Variants in PEAK1 observed in about 807,000 individuals in gnomAD.
The protein encoded by PEAK1 is pseudopodium enriched atypical kinase 1, also known as inactive tyrosine-protein kinase PEAK1.
A neutral mutation model predicts 124.7 loss-of-function variants in PEAK1; 54 were observed. That is an observed-to-expected ratio of 0.43 (90% CI 0.35 to 0.54). The LOEUF is 0.54. PEAK1 is among the 20% of genes least tolerant of loss of function. PEAK1 has a pLI of 0.01. For missense variants in PEAK1, 2,046 were observed against 2,134.5 expected (o/e 0.96, Z 0.82); for synonymous variants, 719 against 760.0 (o/e 0.95, Z 0.89).
chr15:77,329,718 T>C (rs376008068), intron 2 of PEAK1, among the ~76,000 whole-genome samples: 1 of 152,214 alleles, frequency 6.6e-6, no homozygotes, highest in African/African-American at 2.4e-5. Flanking sequence ...CAGTTTTTCA[T>C]CACTGAGTTA....
chr15:77,243,582 C>T (rs559960699), intron 6 of PEAK1, among the ~76,000 whole-genome samples: 39 of 152,102 alleles, frequency 2.6e-4, no homozygotes, highest in African/African-American at 6.5e-4. Context: ...GATAGAAGGC[C>T]GAGGGAAAAT....
chr15:77,298,044 G>A (rs1166296603), intron 2 of PEAK1, among the ~76,000 whole-genome samples: 6 of 108,056 alleles, frequency 5.6e-5, no homozygotes, highest in Non-Finnish European at 1.0e-4. Flanking sequence ...CGGCCTGGGC[G>A]ACAGGGCGAG....
chr15:77,129,443 ATT>A (rs35174642), intron 9 of PEAK1, among the ~76,000 whole-genome samples: 81 of 141,112 alleles, frequency 5.7e-4, no homozygotes, highest in Non-Finnish European at 7.0e-4. Flanking sequence ...TCTACCACTG[ATT>A]TTTTTTTTTT....
intron 8 of PEAK1, among the ~76,000 whole-genome samples, chr15:77,149,619 C>G (rs969187699): frequency 6.6e-6 from 1 of 152,166 alleles, no homozygotes; most frequent in African/African-American, 2.4e-5. Context: ...ACCCCCTTAG[C>G]TTAGAACTAT....
intron 2 of PEAK1, among the ~76,000 whole-genome samples, chr15:77,323,688 C>A (rs1265452347): frequency 6.6e-6 from 1 of 152,046 alleles, no homozygotes; most frequent in Non-Finnish European, 1.5e-5. Context: ...GAATCAATAC[C>A]ATGAAAATGG....
At chr15:77,334,576 C>T in intron 2 of PEAK1, 1 of 985,320 alleles carries the variant, frequency 1.0e-6, no homozygotes, top group Non-Finnish European at 1.2e-6. Context: ...AACTCGGTTC[C>T]TTTCATATTG....
chr15:77,329,355 C>T (rs1597320819), intron 2 of PEAK1, among the ~76,000 whole-genome samples: 1 of 152,150 alleles, frequency 6.6e-6, no homozygotes, highest in Non-Finnish European at 1.5e-5. Context: ...ACCAACAGAA[C>T]ACTCAAGTTA....
chr15:77,177,966 A>C (rs1204583530), intron 7 of PEAK1: 1 of 152,228 alleles, frequency 6.6e-6, no homozygotes, highest in African/African-American at 2.4e-5. Context: ...AGCTCTGAAA[A>C]GCACTAGCTT....
chr15:77,190,634 TACTTTA>T (rs1311901613), intron 6 of PEAK1, among the ~76,000 whole-genome samples: 1 of 152,214 alleles, frequency 6.6e-6, no homozygotes, highest in Non-Finnish European at 1.5e-5. Flanking sequence ...CCAAGCACAC[TACTTTA>T]ACTGTAAGAA....
chr15:77,225,379 T>C (rs181549452), intron 6 of PEAK1, among the ~76,000 whole-genome samples: 246 of 152,118 alleles, frequency 1.6e-3, no homozygotes, highest in African/African-American at 5.8e-3. Flanking sequence ...AAAACCTATA[T>C]ATAGCAGACA....
At chr15:77,351,532 A>AC (rs1252015522) in intron 2 of PEAK1, among the ~76,000 whole-genome samples, 2 of 152,164 alleles carry the variant, frequency 1.3e-5, no homozygotes, top group Non-Finnish European at 2.9e-5. Context: ...CATAGGGCGT[A>AC]CCCCAAGTAA....
At chr15:77,236,431 T>C (rs945854518) in intron 6 of PEAK1, among the ~76,000 whole-genome samples, 3 of 152,248 alleles carry the variant, frequency 2.0e-5, no homozygotes, top group African/African-American at 7.2e-5. Context: ...GCATGAGGCC[T>C]ATAGTCCCAT....
intron 2 of PEAK1, among the ~76,000 whole-genome samples, chr15:77,308,295 G>A (rs544706196): frequency 6.6e-6 from 1 of 152,192 alleles, no homozygotes; most frequent in African/African-American, 2.4e-5. Context: ...AGTTTACAGA[G>A]TTGCTATAAA....
Position 77,404,611 on chromosome 15 carries a change from T to C in PEAK1, c.-666+15395A>G, listed in dbSNP as rs74248530. The C allele has an allele frequency of 2.5e-4, 231 of 921,818 alleles. 4 individuals are homozygous for C. In the East Asian group the frequency reaches 0.017, roughly 68 times the overall value. The allele number at this position is 921,818 out of a possible 1,614,324, so 57.1% of individuals were successfully genotyped here. ...CATATGTGGTTTGCACTATTTCTAT[T>C]GGACAGCACTGCTTTAAGATATACC... On this transcript the variant is annotated intron_variant, in intron 1 of 9. Transcript: ENST00000682557.
intron 2 of PEAK1, among the ~76,000 whole-genome samples, chr15:77,310,463 G>T (rs1597229507): frequency 6.6e-6 from 1 of 152,076 alleles, no homozygotes; most frequent in Non-Finnish European, 1.5e-5. Context: ...CAAATGGCTT[G>T]GGCTGTAAAA....
intron 1 of PEAK1, among the ~76,000 whole-genome samples, chr15:77,392,639 C>T (rs1683925855): frequency 6.6e-6 from 1 of 152,078 alleles, no homozygotes; most frequent in Non-Finnish European, 1.5e-5. Flanking sequence ...AATAGGAAAA[C>T]ACAGGTTTTC....
At chr15:77,334,302 T>C in intron 2 of PEAK1, 18 of 985,326 alleles carry the variant, frequency 1.8e-5, no homozygotes, top group Non-Finnish European at 1.9e-5. Flanking sequence ...AGTAATGCTG[T>C]CTTCTCTTTT....
At chr15:77,232,804 G>A (rs1338545507) in intron 6 of PEAK1, among the ~76,000 whole-genome samples, 2 of 152,282 alleles carry the variant, frequency 1.3e-5, no homozygotes, top group African/African-American at 2.4e-5. Flanking sequence ...GGAGTGCAAT[G>A]GTGTGATCTC....
At chr15:77,193,220 T>G (rs2057930209) in intron 6 of PEAK1, among the ~76,000 whole-genome samples, 1 of 152,212 alleles carries the variant, frequency 6.6e-6, no homozygotes, top group Non-Finnish European at 1.5e-5. Flanking sequence ...TGGATATAGT[T>G]ATCTGGCAAG....
Sources: allele counts gnomAD v4.1 joint callset (sites outside exome capture counted in the v4.1 genomes callset), GRCh38; gene constraint gnomAD v4.1.1; transcripts MANE v1.5; gene names NCBI Gene and HGNC (gene_info 2026-07-23, HGNC 2026-07-21).